SLC2A14: variants seen among roughly 807,000 people sequenced by gnomAD.
SLC2A14 encodes solute carrier family 2 member 14.
A neutral mutation model predicts 43.0 loss-of-function variants in SLC2A14; 13 were observed. The ratio of observed to expected loss-of-function variants is 0.30; its 90% CI spans 0.20 to 0.48. SLC2A14 has a LOEUF of 0.48. SLC2A14 is among the 20% of genes least tolerant of loss of function. The probability of loss-of-function intolerance (pLI) is 0.99; values close to 1 mark genes in which losing one functional copy is unlikely to be tolerated. For synonymous variants in SLC2A14, 190 were observed against 233.8 expected (o/e 0.81, Z 1.71); for missense variants, 428 against 620.4 (o/e 0.69, Z 3.29).
chr12:7,829,576 A>G lies in SLC2A14; in HGVS notation c.513+190T>C, dbSNP rs776839170. 1.1e-4 allele frequency among the ~76,000 whole-genome samples: 16 copies of G among 152,240 alleles called. No individual in the cohort carries two copies. In the East Asian group the frequency reaches 3.1e-3, roughly 29 times the overall value. On this transcript the variant is annotated intron_variant, in intron 5 of 10. Coordinates refer to ENST00000431042, the MANE Select transcript of SLC2A14 (RefSeq NM_001286234.2). ...TCTCAAAAAAAAAAAAAGAAAAAGA[A>G]AAAAGGAAAAAAGAAATTGTGCTTC...
upstream of SLC2A14, among the ~76,000 whole-genome samples, chr12:7,873,938 A>T (rs1318097303): frequency 6.6e-6 from 1 of 152,112 alleles, no homozygotes; most frequent in Admixed American, 6.6e-5. Context: ...GGCCTTCAGT[A>T]CAGGGTTGAC....
At chr12:7,850,505 C>G (rs772903632) in intron 2 of SLC2A14, among the ~76,000 whole-genome samples, 9 of 152,086 alleles carry the variant, frequency 5.9e-5, no homozygotes, top group Non-Finnish European at 1.2e-4. Flanking sequence ...AAGCCATTCT[C>G]CTGCCTCAGC....
At chr12:7,884,302 G>A (rs558547496) in intron 1 of SLC2A14, among the ~76,000 whole-genome samples, 1 of 152,088 alleles carries the variant, frequency 6.6e-6, no homozygotes, top group African/African-American at 2.4e-5. Flanking sequence ...ACTCCTGGAG[G>A]CTGGGACCTC....
intron 2 of SLC2A14, among the ~76,000 whole-genome samples, chr12:7,857,831 G>A (rs1420601298): frequency 6.6e-6 from 1 of 151,836 alleles, no homozygotes; most frequent in Non-Finnish European, 1.5e-5. Flanking sequence ...TGGCCCATAT[G>A]GTCCTTTTTA....
intron 2 of SLC2A14, among the ~76,000 whole-genome samples, chr12:7,847,201 A>T (rs1006752930): frequency 2.0e-5 from 3 of 151,884 alleles, no homozygotes; most frequent in African/African-American, 7.2e-5. Context: ...GCAGTGACCC[A>T]AGATTGTGCC....
chr12:7,843,522 G>A (rs1451470726), intron 2 of SLC2A14, among the ~76,000 whole-genome samples: 16 of 122,528 alleles, frequency 1.3e-4, no homozygotes, highest in African/African-American at 4.8e-4. Context: ...GAGAGTGGAA[G>A]AAAATGTAAA....
At chr12:7,880,069 G>A (rs942291547) in intron 1 of SLC2A14, among the ~76,000 whole-genome samples, 31 of 151,414 alleles carry the variant, frequency 2.0e-4, no homozygotes, top group African/African-American at 7.3e-4. Flanking sequence ...TTGGGAGGCC[G>A]AGGCGGGTGG....
rs778446026 is a variant in SLC2A14 at position 7,816,260 on chromosome 12, G to A, written c.1275+1571C>T. On this transcript the variant is annotated intron_variant, in intron 10 of 10. Coordinates refer to ENST00000431042, the MANE Select transcript of SLC2A14 (RefSeq NM_001286234.2). ...GCTGGGACTACAGGCGCCCGCCACC[G>A]CTCCCGGCTAATTTTTTGTATTTTT... is the stretch of plus-strand genomic sequence containing the variant. Among the ~76,000 whole-genome samples the A allele has an allele frequency of 7.7e-5, 8 of 104,014 alleles. 3 individuals carry two copies. In the East Asian group the frequency reaches 1.1e-3, roughly 15 times the overall value. 68.2% of individuals were successfully genotyped at this position (104,014 alleles called of 152,430 possible).
chr12:7,886,542 A>G (rs1465948416), intron 1 of SLC2A14, among the ~76,000 whole-genome samples: 2 of 151,890 alleles, frequency 1.3e-5, no homozygotes, highest in Non-Finnish European at 2.9e-5. Flanking sequence ...TTGTGTTTTT[A>G]TGGGTAAAAT....
At chr12:7,889,861 T>C (rs1388954354) in intron 1 of SLC2A14, among the ~76,000 whole-genome samples, 3 of 152,106 alleles carry the variant, frequency 2.0e-5, no homozygotes, top group African/African-American at 4.8e-5. Flanking sequence ...TATTACTTGA[T>C]GATATGCTAA....
At chr12:7,887,585 ATAGATAGATAGATAGATAGATAGATAGT>A (rs1211638693) in intron 1 of SLC2A14, among the ~76,000 whole-genome samples, 23 of 150,232 alleles carry the variant, frequency 1.5e-4, no homozygotes, top group South Asian at 4.3e-4. Context: ...AGATAGATAG[ATAGATAGATAGATAGATAGATAGATAGT>A]TAGATAGATA....
intron 1 of SLC2A14, among the ~76,000 whole-genome samples, chr12:7,888,727 G>A (rs986136239): frequency 6.7e-6 from 1 of 150,258 alleles, no homozygotes; most frequent in Non-Finnish European, 1.5e-5. Context: ...GAACCTGGGA[G>A]GTAGAGGTTG....
At chr12:7,861,445 A>G (rs1894829) in intron 2 of SLC2A14, among the ~76,000 whole-genome samples, 108,528 of 151,822 alleles carry the variant, frequency 0.71, 39,064 homozygotes, top group East Asian at 0.93. Flanking sequence ...TGTGCAAATT[A>G]GGCAAAGGTG....
At chr12:7,865,882 C>A (rs1485872832) in intron 2 of SLC2A14, among the ~76,000 whole-genome samples, 1 of 152,046 alleles carries the variant, frequency 6.6e-6, no homozygotes, top group African/African-American at 2.4e-5. Context: ...AGGAAAAGTT[C>A]TTGAGGAAAA....
intron 2 of SLC2A14, among the ~76,000 whole-genome samples, chr12:7,833,246 C>T (rs757557193): frequency 7.2e-5 from 11 of 152,246 alleles, no homozygotes; most frequent in South Asian, 2.1e-4. Context: ...CCAGACTCCA[C>T]GGAAGCCCAG....
At chr12:7,831,235 T>C (rs1864995205) in intron 4 of SLC2A14, 1 of 156,488 alleles carries the variant, frequency 6.4e-6, no homozygotes, top group Admixed American at 8.0e-5. Context: ...AAAACATTTA[T>C]ATGAGACCCC....
chr12:7,816,347 A>G, intron 10 of SLC2A14, among the ~76,000 whole-genome samples: 1 of 43,624 alleles, frequency 2.3e-5, no homozygotes, highest in East Asian at 6.9e-4. Context: ...CTCATGATCC[A>G]CCCGCCTCGG....
chr12:7,863,482 C>CT, intron 2 of SLC2A14: 1 of 445,718 alleles, frequency 2.2e-6, no homozygotes, highest in South Asian at 1.6e-5. Flanking sequence ...AAAAAATTAG[C>CT]TGGGTGTGCT....
At chr12:7,847,544 G>A (rs1206277949) in intron 2 of SLC2A14, among the ~76,000 whole-genome samples, 4 of 152,094 alleles carry the variant, frequency 2.6e-5, no homozygotes, top group African/African-American at 9.7e-5. Context: ...CTGGATTTGG[G>A]CTCCCAATTT....
Sources: allele counts gnomAD v4.1 joint callset (sites outside exome capture counted in the v4.1 genomes callset), GRCh38; gene constraint gnomAD v4.1.1; transcripts MANE v1.5; gene names NCBI Gene and HGNC (gene_info 2026-07-23, HGNC 2026-07-21).